Variants in DPP6 observed in about 807,000 individuals in gnomAD.
The protein encoded by DPP6 is A-type potassium channel modulatory protein DPP6.
DPP6 carries 69 observed loss-of-function variants against 122.6 expected under a neutral mutation model. That is an observed-to-expected ratio of 0.56 (90% confidence interval 0.46 to 0.69). The LOEUF (loss-of-function observed/expected upper bound fraction) is 0.69. Among genes scored for constraint, DPP6 ranks in the 30% least tolerant of loss-of-function variants. The pLI, the probability that DPP6 is intolerant of heterozygous loss-of-function variation, is 0.00. For synonymous variants in DPP6, 418 were observed against 433.1 expected (o/e 0.97, Z 0.43); for missense variants, 928 against 1,116.9 (o/e 0.83, Z 2.41).
chr7:154,340,646 G>T (rs894841477), intron 1 of DPP6, among the ~76,000 whole-genome samples: 1 of 152,160 alleles, frequency 6.6e-6, no homozygotes, highest in Non-Finnish European at 1.5e-5. Context: ...TAATTTTTTA[G>T]ATATTGAATC....
chr7:154,002,943 C>T (rs1003021674), intron 1 of DPP6, among the ~76,000 whole-genome samples: 2 of 152,140 alleles, frequency 1.3e-5, no homozygotes, highest in African/African-American at 4.8e-5. Flanking sequence ...GTCTCCTTTC[C>T]TGGAAATGTC....
rs1187947626 is a variant in DPP6 at position 154,143,801 on chromosome 7, C to G, written c.243+90738C>G. Among the ~76,000 whole-genome samples, 4 of 151,936 alleles carry G rather than the reference C, an allele frequency of 2.6e-5. No individual in the cohort carries two copies. In the East Asian group the frequency reaches 7.7e-4, roughly 29 times the overall value. On this transcript the variant is annotated intron_variant, in intron 1 of 25. Transcript: ENST00000377770. ...TTGGCATTCATTTCTTGGGCTATAG[C>G]TTCACAGATTTAGCTACTAGATAGT...
At chr7:153,833,933 T>C in the DPP6 span, among the ~76,000 whole-genome samples, 4 of 152,186 alleles carry the variant, frequency 2.6e-5, no homozygotes, top group African/African-American at 9.7e-5. Context: ...CCTCACATTG[T>C]CTTAAAATAT....
intron 5 of DPP6, among the ~76,000 whole-genome samples, chr7:154,637,586 C>A (rs552757265): frequency 2.0e-5 from 3 of 152,178 alleles, no homozygotes; most frequent in Non-Finnish European, 4.4e-5. Context: ...CACCAGGTAG[C>A]CATGGAGATG....
intron 1 of DPP6, among the ~76,000 whole-genome samples, chr7:153,936,177 C>T (rs1221297958): frequency 2.0e-5 from 3 of 152,140 alleles, no homozygotes; most frequent in Non-Finnish European, 4.4e-5. Context: ...CAAGTTTTGT[C>T]TCCTAAGAAG....
the DPP6 span, among the ~76,000 whole-genome samples, chr7:153,839,705 A>G: frequency 6.6e-6 from 1 of 152,214 alleles, no homozygotes. Flanking sequence ...AACCTAAATC[A>G]TCGCGTGCTC....
intron 1 of DPP6, among the ~76,000 whole-genome samples, chr7:154,032,187 A>C (rs1168499789): frequency 6.6e-6 from 1 of 152,126 alleles, no homozygotes. Flanking sequence ...AAGCATCAGA[A>C]TTAAAAACTC....
chr7:154,320,728 C>T (rs184591878), intron 1 of DPP6, among the ~76,000 whole-genome samples: 10 of 152,216 alleles, frequency 6.6e-5, no homozygotes, highest in South Asian at 4.1e-4. Context: ...TCAGGTGATC[C>T]GCCTGCCTCA....
rs1443310581 is a variant in DPP6 at position 154,462,828 on chromosome 7, G to C, written c.359-12111G>C. 3.8e-5 allele frequency among the ~76,000 whole-genome samples: 5 copies of C among 130,690 alleles called. No individual in the cohort carries two copies. The East Asian group carries it at 1.1e-3, about 29-fold the overall frequency. The allele number at this position is 130,690 out of a possible 152,430, so 85.7% of individuals were successfully genotyped here. ...CCCCCACCCCACAACAGTCCCCGGTGTGTGATGTTCCCCTTCCTGTGTCCA... is the reference window on the plus strand; with the variant it reads ...CCCCCACCCCACAACAGTCCCCGGTCTGTGATGTTCCCCTTCCTGTGTCCA... On this transcript the variant is annotated intron_variant, in intron 2 of 25. Coordinates refer to ENST00000377770, the MANE Select transcript of DPP6 (RefSeq NM_130797.4).
intron 1 of DPP6, among the ~76,000 whole-genome samples, chr7:154,213,251 G>A (rs1486857200): frequency 6.6e-6 from 1 of 152,220 alleles, no homozygotes; most frequent in African/African-American, 2.4e-5. Flanking sequence ...GCCAGGGGAA[G>A]AGAGTTTGCA....
intron 1 of DPP6, among the ~76,000 whole-genome samples, chr7:154,392,922 G>T (rs1382012287): frequency 1.3e-5 from 2 of 152,222 alleles, no homozygotes; most frequent in East Asian, 3.9e-4. Context: ...GGAGACATCA[G>T]CTGTGGGTCA....
In DPP6 at chr7:154,352,616, G is replaced by A. The variant is rs537679508; in HGVS notation, c.244-93598G>A. ...TACATGTTCTCACTCATAAGTGAAA[G>A]TTGAACAGTGAGAACACATGGACAC... On this transcript the variant is annotated intron_variant, in intron 1 of 25. Transcript: ENST00000377770. 1.3e-4 allele frequency among the ~76,000 whole-genome samples: 19 copies of A among 151,700 alleles called. No individual in the cohort carries two copies. In the South Asian group the frequency reaches 1.9e-3, roughly 15 times the overall value.
chr7:154,360,860 G>A (rs1811664172), intron 1 of DPP6, among the ~76,000 whole-genome samples: 1 of 152,210 alleles, frequency 6.6e-6, no homozygotes, highest in Non-Finnish European at 1.5e-5. Flanking sequence ...CTTCTGCTGT[G>A]CATGGAATTT....
At chr7:154,557,588 A>G (rs1830135269) in intron 4 of DPP6, among the ~76,000 whole-genome samples, 1 of 152,134 alleles carries the variant, frequency 6.6e-6, no homozygotes, top group African/African-American at 2.4e-5. Flanking sequence ...TGGCCATGAG[A>G]CTATAAGAGG....
intron 1 of DPP6, among the ~76,000 whole-genome samples, chr7:154,357,055 T>C (rs1465134390): frequency 1.3e-5 from 2 of 152,182 alleles, no homozygotes; most frequent in South Asian, 2.1e-4. Flanking sequence ...GACAACACTA[T>C]TGATAAAATG....
chr7:154,177,932 C>T (rs1797886624), intron 1 of DPP6, among the ~76,000 whole-genome samples: 1 of 152,156 alleles, frequency 6.6e-6, no homozygotes, highest in African/African-American at 2.4e-5. Context: ...GGTGAGCACT[C>T]CCTAATAGTC....
chr7:154,658,666 G>A (rs1837424091), intron 6 of DPP6, among the ~76,000 whole-genome samples: 2 of 152,202 alleles, frequency 1.3e-5, no homozygotes, highest in Admixed American at 1.3e-4. Flanking sequence ...GGGTGTGGGA[G>A]GGAGAGCCTT....
rs982970784 is a variant in DPP6 at position 154,180,386 on chromosome 7, A to AAT, written c.243+127334_243+127335dup. Among the ~76,000 whole-genome samples the AAT allele has an allele frequency of 1.6e-4, 23 of 146,064 alleles. No individual in the cohort carries two copies. In the East Asian group the frequency reaches 2.0e-3, roughly 12 times the overall value. ...TTCTCTCTCTCAAAATATATATATAAATATATATATATGTATAAATATATA... is the reference window on the plus strand; with the variant it reads ...TTCTCTCTCTCAAAATATATATATAAATATATATATATATGTATAAATATATA... On this transcript the variant is annotated intron_variant, in intron 1 of 25. Coordinates refer to ENST00000377770, the MANE Select transcript of DPP6 (RefSeq NM_130797.4).
chr7:154,445,777 TAAA>T (rs33926357), intron 1 of DPP6, among the ~76,000 whole-genome samples: 6 of 147,726 alleles, frequency 4.1e-5, no homozygotes, highest in Admixed American at 6.7e-5. Context: ...CACATGGATG[TAAA>T]AAAAAAAAAA....
Sources: allele counts gnomAD v4.1 joint callset (sites outside exome capture counted in the v4.1 genomes callset), GRCh38; gene constraint gnomAD v4.1.1; transcripts MANE v1.5; gene names NCBI Gene and HGNC (gene_info 2026-07-23, HGNC 2026-07-21).